STAT4: variants seen among roughly 807,000 people sequenced by gnomAD.
STAT4 encodes signal transducer and activator of transcription 4.
In STAT4, 42 loss-of-function variants were observed where a neutral mutation model predicts 110.5. The ratio of observed to expected loss-of-function variants is 0.38; its 90% CI spans 0.30 to 0.49. The LOEUF (loss-of-function observed/expected upper bound fraction) is 0.49, where lower values mean the gene tolerates loss of function less well. Ranked by LOEUF, STAT4 falls within the 20% of genes least tolerant of loss-of-function variation. The probability of loss-of-function intolerance (pLI) is 0.95; values close to 1 mark genes in which losing one functional copy is unlikely to be tolerated. For synonymous variants in STAT4, 284 were observed against 302.2 expected (o/e 0.94, Z 0.63); for missense variants, 632 against 887.9 (o/e 0.71, Z 3.66).
At chr2:191,103,669 A>G (rs1412279066) in intron 3 of STAT4, among the ~76,000 whole-genome samples, 1 of 152,174 alleles carries the variant, frequency 6.6e-6, no homozygotes, top group Non-Finnish European at 1.5e-5. Context: ...AAGAAAAACA[A>G]ATTAGATTTT....
chr2:191,104,460 T>C lies in STAT4; in HGVS notation c.274-28135A>G, dbSNP rs1464059121. 6.6e-6 allele frequency among the ~76,000 whole-genome samples: 1 copy of C among 152,168 alleles called. No homozygotes were observed. The highest frequency in any genetic ancestry group is 2.4e-5 in the African/African-American group (1 of 41,468). On this transcript the variant is annotated intron_variant, in intron 3 of 23. Coordinates refer to ENST00000392320, the MANE Select transcript of STAT4 (RefSeq NM_003151.4). The surrounding 1 kb of genome is among the most constrained non-coding windows in gnomAD (Gnocchi z 4.3). ...TTGTTCAATTACCAAAAATATTAAA[T>C]TCACAATAGGCATATGTGAAGAAGA...
intron 3 of STAT4, among the ~76,000 whole-genome samples, chr2:191,094,440 T>C (rs1697900834): frequency 6.6e-6 from 1 of 152,206 alleles, no homozygotes; most frequent in African/African-American, 2.4e-5. Flanking sequence ...ATACTCAACA[T>C]TCCTAAAGAA....
chr2:191,113,682 TC>T lies in STAT4; in HGVS notation c.273+32930del, dbSNP rs766015833. Among the ~76,000 whole-genome samples, 2 of 152,120 alleles carry T rather than the reference TC, an allele frequency of 1.3e-5. No individual in the cohort carries two copies. Among genetic ancestry groups the T allele is most frequent in the Non-Finnish European group, 2.9e-5 (2 of 68,020 alleles). On this transcript the variant is annotated intron_variant, in intron 3 of 23. Coordinates refer to ENST00000392320, the MANE Select transcript of STAT4 (RefSeq NM_003151.4). This position sits in a 1 kb window ranked among gnomAD's most constrained non-coding sequence, Gnocchi z 4.8. ...GTTAAAGATGAAATTTAGAGAGTGT[TC>T]CGAGTTGGAGTTTCATCAAAAGGAG...
Position 191,032,775 on chromosome 2 carries a change from C to T in STAT4, c.2044+183G>A, listed in dbSNP as rs1056801191. On this transcript the variant is annotated intron_variant, in intron 21 of 23. Coordinates refer to ENST00000392320, the MANE Select transcript of STAT4 (RefSeq NM_003151.4). This position sits in a 1 kb window ranked among gnomAD's most constrained non-coding sequence, Gnocchi z 4.9. The stretch of plus-strand genomic sequence containing the variant: ...TACTCGCTAGTGTTAGAAAGCCCAG[C>T]GGTCCCTTTTCAGGAACTGCTGACA... 8 of 610,020 alleles carry T rather than the reference C, an allele frequency of 1.3e-5. No individual in the cohort carries two copies. Among genetic ancestry groups the T allele is most frequent in the Admixed American group, 9.9e-5 (3 of 30,268 alleles). 37.8% of individuals were successfully genotyped at this position (610,020 alleles called of 1,614,324 possible).
Position 191,061,615 on chromosome 2 carries a change from G to A in STAT4, c.1034+114C>T, listed in dbSNP as rs187867900. The A allele has an allele frequency of 3.9e-5, 38 of 973,398 alleles. No individual in the cohort carries two copies. The East Asian group carries it at 8.1e-4, about 21-fold the overall frequency. 60.3% of individuals were successfully genotyped at this position (973,398 alleles called of 1,614,324 possible). A position where few individuals can be genotyped will look rare whatever the true frequency, so the allele number is the denominator to read the frequency against. On this transcript the variant is annotated intron_variant, in intron 10 of 23. Coordinates refer to ENST00000392320, the MANE Select transcript of STAT4 (RefSeq NM_003151.4). This position sits in a 1 kb window ranked among gnomAD's most constrained non-coding sequence, Gnocchi z 6.2. Reference sequence around the variant, plus strand: ...CAAGCTCAGAGCTGGGCACACAGCAGATGGTTCAATAAAGAACAGCTGAAT... The same window carrying A: ...CAAGCTCAGAGCTGGGCACACAGCAAATGGTTCAATAAAGAACAGCTGAAT...
intron 3 of STAT4, among the ~76,000 whole-genome samples, chr2:191,137,211 C>T (rs1331898996): frequency 6.6e-6 from 1 of 151,886 alleles, no homozygotes. Context: ...GGCATGGTGG[C>T]ACACGCCTGT....
At chr2:191,052,124 G>A (rs903446341) in intron 14 of STAT4, among the ~76,000 whole-genome samples, 1 of 152,074 alleles carries the variant, frequency 6.6e-6, no homozygotes, top group Non-Finnish European at 1.5e-5. Flanking sequence ...ACAATCCCTG[G>A]CCTCATGACT....
At chr2:191,073,257 G>A (rs966095503) in intron 4 of STAT4, 67 bp from the exon 5 acceptor site, 15 of 1,314,564 alleles carry the variant, frequency 1.1e-5, no homozygotes, top group East Asian at 4.6e-5. Flanking sequence ...AATACATACC[G>A]CATACAATTC....
At chr2:191,120,200 A>G (rs1698680913) in intron 3 of STAT4, among the ~76,000 whole-genome samples, 1 of 152,232 alleles carries the variant, frequency 6.6e-6, no homozygotes, top group African/African-American at 2.4e-5. Flanking sequence ...TTGAGCCTCA[A>G]TTAAAACTAA....
chr2:191,085,950 TAAC>T (rs1697622975), intron 3 of STAT4, among the ~76,000 whole-genome samples: 1 of 152,246 alleles, frequency 6.6e-6, no homozygotes. Flanking sequence ...TTACAGCTTT[TAAC>T]AACTGAGTAA....
intron 3 of STAT4, among the ~76,000 whole-genome samples, chr2:191,114,428 A>G (rs1698518612): frequency 6.6e-6 from 1 of 152,210 alleles, no homozygotes; most frequent in Admixed American, 6.5e-5. Context: ...AGTATAGAAT[A>G]GTGGTGAAAG....
chr2:191,034,147 G>A (rs1695975126), intron 18 of STAT4, 142 bp from the exon 19 acceptor site: 2 of 687,048 alleles, frequency 2.9e-6, no homozygotes, highest in Admixed American at 6.3e-5. Flanking sequence ...TCTTGGCCTG[G>A]TGTGGTGGCT....
Position 191,144,275 on chromosome 2 carries a change from G to A in STAT4, c.273+2338C>T, listed in dbSNP as rs1302561099. Reference sequence around the variant, plus strand: ...AGTTGTTGCTGGAGGGCTGGAGGATGAGAACACAGACTAAAGCATGTGGTG... The same window carrying A: ...AGTTGTTGCTGGAGGGCTGGAGGATAAGAACACAGACTAAAGCATGTGGTG... On this transcript the variant is annotated intron_variant, in intron 3 of 23. Transcript: ENST00000392320. The surrounding 1 kb of genome is among the most constrained non-coding windows in gnomAD (Gnocchi z 4.7). Among the ~76,000 whole-genome samples, 3 of 152,154 alleles carry A rather than the reference G, an allele frequency of 2.0e-5. No homozygotes were observed. Among genetic ancestry groups the A allele is most frequent in the Non-Finnish European group, 4.4e-5 (3 of 68,038 alleles).
intron 8 of STAT4, among the ~76,000 whole-genome samples, chr2:191,063,894 A>G (rs3024852): frequency 0.012 from 1,866 of 152,326 alleles, 37 homozygotes; most frequent in African/African-American, 0.041. Context: ...GGGGGTCCCC[A>G]GTTACTACAT....
At chr2:191,133,297 G>C (rs1699093477) in intron 3 of STAT4, among the ~76,000 whole-genome samples, 1 of 151,394 alleles carries the variant, frequency 6.6e-6, no homozygotes, top group Non-Finnish European at 1.5e-5. Flanking sequence ...ACACTGTCCA[G>C]GCACTGGGGA....
chr2:191,105,745 A>T (rs1423956535), intron 3 of STAT4, among the ~76,000 whole-genome samples: 1 of 152,214 alleles, frequency 6.6e-6, no homozygotes, highest in Non-Finnish European at 1.5e-5. Flanking sequence ...AGTCTTCAAA[A>T]ACACAATGCT....
chr2:191,058,619 A>G lies in STAT4; in HGVS notation c.1094+91T>C. 1.3e-6 allele frequency: 1 copy of G among 783,566 alleles called. No homozygotes were observed. 48.5% of individuals were successfully genotyped at this position (783,566 alleles called of 1,614,324 possible). ...TATAATGTTAGATAAGTAAATTTAA[A>G]AGTTCAAAATTATTCTATAAAATAA... On this transcript the variant is annotated intron_variant, in intron 11 of 23. Coordinates refer to ENST00000392320, the MANE Select transcript of STAT4 (RefSeq NM_003151.4). This position sits in a 1 kb window ranked among gnomAD's most constrained non-coding sequence, Gnocchi z 4.3.
chr2:191,098,621 C>T (rs187939598), intron 3 of STAT4, among the ~76,000 whole-genome samples: 15 of 140,808 alleles, frequency 1.1e-4, no homozygotes, highest in Middle Eastern at 3.5e-3. Context: ...GGGTGGGGGC[C>T]GGGGGAGGGA....
At chr2:191,085,959 A>G (rs1313164139) in intron 3 of STAT4, among the ~76,000 whole-genome samples, 1 of 152,192 alleles carries the variant, frequency 6.6e-6, no homozygotes, top group African/African-American at 2.4e-5. Context: ...TTAACAACTG[A>G]GTAAAATATA....
Sources: gnomAD v4.1 joint callset for allele counts (sites outside exome capture counted in the v4.1 genomes callset) on GRCh38, gnomAD v4.1.1 for gene constraint, Gnocchi (gnomAD v3.1) non-coding constraint, MANE v1.5 for transcripts, NCBI Gene and HGNC (gene_info 2026-07-23, HGNC 2026-07-21) for gene names.